Variants in STEAP2 observed in about 807,000 individuals in gnomAD.
STEAP2 encodes metalloreductase STEAP2.
STEAP2 carries 30 observed loss-of-function variants against 46.4 expected under a neutral mutation model. The ratio of observed to expected loss-of-function variants is 0.65; its 90% confidence interval spans 0.48 to 0.88. The LOEUF (loss-of-function observed/expected upper bound fraction) is 0.88. Among genes scored for constraint, STEAP2 ranks in the 40% least tolerant of loss-of-function variants. STEAP2 has a pLI of 0.00. For missense variants in STEAP2, 513 were observed against 579.3 expected (o/e 0.89, Z 1.18); for synonymous variants, 180 against 200.5 (o/e 0.90, Z 0.86).
intron 2 of STEAP2, among the ~76,000 whole-genome samples, chr7:90,224,478 T>C (rs1795394462): frequency 6.6e-6 from 1 of 152,198 alleles, no homozygotes; most frequent in Admixed American, 6.5e-5. Context: ...GCCTACGGGG[T>C]AGGCCTGCTC....
At position 90,234,579 on chromosome 7, in the gene STEAP2, C is replaced by G. The variant is rs1584253568; in HGVS notation, c.*1955C>G. 2 of 900,194 alleles carry G rather than the reference C, an allele frequency of 2.2e-6. No homozygotes were observed. The highest frequency in any genetic ancestry group is 1.3e-6 in the Non-Finnish European group (1 of 773,342). The allele number at this position is 900,194 out of a possible 1,614,324, so 55.8% of individuals were successfully genotyped here. A position where few individuals can be genotyped will look rare whatever the true frequency, so the allele number is the denominator to read the frequency against. ...TTTTTTTTTTTTTTAAAGACAGAGT[C>G]TTGCTCTGTCACCCAGGCTGGAGTG... On this transcript the variant is annotated 3_prime_UTR_variant, in exon 6 of 6. Coordinates refer to ENST00000394621, the MANE Select transcript of STEAP2 (RefSeq NM_001244944.2).
intron 1 of STEAP2, among the ~76,000 whole-genome samples, chr7:90,212,679 T>C (rs1420930887): frequency 6.6e-6 from 1 of 152,212 alleles, no homozygotes; most frequent in African/African-American, 2.4e-5. Flanking sequence ...GATTTCCATT[T>C]ATTATCTCTC....
chr7:90,226,250 G>A (rs1277352684), intron 3 of STEAP2, among the ~76,000 whole-genome samples: 1 of 152,154 alleles, frequency 6.6e-6, no homozygotes, highest in Non-Finnish European at 1.5e-5. Context: ...ATGTGGAACA[G>A]TGATTAAATT....
intron 2 of STEAP2, among the ~76,000 whole-genome samples, chr7:90,223,367 G>C (rs546274511): frequency 1.8e-4 from 28 of 152,226 alleles, no homozygotes; most frequent in African/African-American, 6.7e-4. Context: ...AGCCAAGCTG[G>C]GTCCTGACTC....
chr7:90,231,410 T>C (rs1180067917), intron 5 of STEAP2, among the ~76,000 whole-genome samples: 1 of 151,966 alleles, frequency 6.6e-6, no homozygotes, highest in African/African-American at 2.4e-5. Context: ...TGTTTATGTA[T>C]TAACAGTGAT....
chr7:90,227,275 T>C lies in STEAP2; in HGVS notation c.797T>C (p.Leu266Ser). ...NKTLPIVAITLLSLVYLAGLL... is the reference protein window; with the variant it reads ...NKTLPIVAITSLSLVYLAGLL... ...ACCTTACCTATAGTTGCCATTACTTTGCTCTCCCTAGTATACCTCGCAGGT... is the reference window on the plus strand; with the variant it reads ...ACCTTACCTATAGTTGCCATTACTTCGCTCTCCCTAGTATACCTCGCAGGT... The change falls in exon 4 of 6, where the codon TTG becomes TCG. Residue 266 changes from leucine (L) to serine (S), a missense_variant. Leu to Ser is a moderately radical substitution (Grantham distance 145, BLOSUM62 -2). Transcript: ENST00000394621. 1 of 1,613,944 alleles carries C rather than the reference T, an allele frequency of 6.2e-7. No homozygotes were observed. The highest frequency in any genetic ancestry group is 8.5e-7 in the Non-Finnish European group (1 of 1,179,860).
In STEAP2 at chr7:90,233,146, G is replaced by C; in HGVS notation, c.*522G>C. 1.0e-6 allele frequency: 1 copy of C among 984,634 alleles called. No homozygotes were observed. The highest frequency in any genetic ancestry group is 1.2e-6 in the Non-Finnish European group (1 of 829,344). The allele number at this position is 984,634 out of a possible 1,614,324, so 61.0% of individuals were successfully genotyped here. A position where few individuals can be genotyped will look rare whatever the true frequency, so the allele number is the denominator to read the frequency against. On this transcript the variant is annotated 3_prime_UTR_variant, in exon 6 of 6. Transcript: ENST00000394621. The stretch of plus-strand genomic sequence containing the variant: ...TTCCTATATTTCTCTCATAAAATAG[G>C]ATTTGAAGGATGAAATTAATTGTAT...
In STEAP2 at chr7:90,234,837, C is replaced by G; in HGVS notation, c.*2213C>G. On this transcript the variant is annotated 3_prime_UTR_variant, in exon 6 of 6. Coordinates refer to ENST00000394621, the MANE Select transcript of STEAP2 (RefSeq NM_001244944.2). The stretch of plus-strand genomic sequence containing the variant: ...AAAGTGCTGGGATTACAGGTGTGAG[C>G]TACCGCGCCCGGCCTATTATCTTGT... The G allele has an allele frequency of 2.0e-6, 2 of 983,954 alleles. No homozygotes were observed. The highest frequency in any genetic ancestry group is 2.4e-6 in the Non-Finnish European group (2 of 828,648). The allele number at this position is 983,954 out of a possible 1,614,324, so 61.0% of individuals were successfully genotyped here. A position where few individuals can be genotyped will look rare whatever the true frequency, so the allele number is the denominator to read the frequency against.
chr7:90,225,497 G>T lies in STEAP2; in HGVS notation c.415G>T (p.Asp139Tyr), dbSNP rs376578471. 1.1e-4 allele frequency: 173 copies of T among 1,613,750 alleles called. 7 individuals carry two copies. In the Middle Eastern group the frequency reaches 0.011, roughly 103 times the overall value. ...NAEYLASLFPDSLIVKGFNVV... is the reference protein window; with the variant it reads ...NAEYLASLFPYSLIVKGFNVV... ...TGAATATTTGGCTTCATTATTCCCA[G>T]ATTCTTTGATTGTCAAAGGATTTAA... The change falls in exon 3 of 6, where the codon GAT becomes TAT. Residue 139 changes from aspartate (D) to tyrosine (Y), a missense_variant. Physicochemically the swap from Asp to Tyr is radical, Grantham distance 160. Coordinates refer to ENST00000394621, the MANE Select transcript of STEAP2 (RefSeq NM_001244944.2).
At chr7:90,219,767 G>A (rs1260383325) in intron 2 of STEAP2, among the ~76,000 whole-genome samples, 1 of 152,096 alleles carries the variant, frequency 6.6e-6, no homozygotes, top group Non-Finnish European at 1.5e-5. Context: ...TTGCTCTGTT[G>A]CCCAGGAGGG....
chr7:90,225,406 T>C lies in STEAP2; in HGVS notation c.324T>C (p.Leu108=). The change falls in exon 3 of 6, where the codon CTT becomes CTC. Residue 108 remains leucine, a synonymous_variant. Coordinates refer to ENST00000394621, the MANE Select transcript of STEAP2 (RefSeq NM_001244944.2). ...YTSLWDLRHL[L]VGKILIDVSN... Reference sequence around the variant, plus strand: ...CCCTGTGGGACCTGAGACATCTGCTTGTGGGTAAAATCCTGATTGATGTGA... The same window carrying C: ...CCCTGTGGGACCTGAGACATCTGCTCGTGGGTAAAATCCTGATTGATGTGA... 1 of 1,613,844 alleles carries C rather than the reference T, an allele frequency of 6.2e-7. No individual in the cohort carries two copies.
At position 90,225,287 on chromosome 7, in the gene STEAP2, T is replaced by C; in HGVS notation, c.205T>C (p.Phe69Leu). The C allele has an allele frequency of 1.2e-6, 2 of 1,614,008 alleles. No homozygotes were observed. The highest frequency in any genetic ancestry group is 1.7e-6 in the Non-Finnish European group (2 of 1,179,958). Residue 69 changes from phenylalanine (F) to leucine (L), a missense_variant, in exon 3 of 6, where the codon TTT becomes CTT. Coordinates refer to ENST00000394621, the MANE Select transcript of STEAP2 (RefSeq NM_001244944.2). ...TAGAAATCCTAAGTTTGCTTCTGAA[T>C]TTTTTCCTCATGTGGTAGATGTCAC... ...GSRNPKFASEFFPHVVDVTHH... is the reference protein window; with the variant it reads ...GSRNPKFASELFPHVVDVTHH...
intron 2 of STEAP2, among the ~76,000 whole-genome samples, chr7:90,217,966 T>C (rs1795098073): frequency 6.6e-6 from 1 of 152,130 alleles, no homozygotes; most frequent in Non-Finnish European, 1.5e-5. Flanking sequence ...GCAGTTCTAA[T>C]TGGGATAAGT....
chr7:90,240,280 C>CAA (rs56229485), downstream of STEAP2, among the ~76,000 whole-genome samples: 1 of 146,102 alleles, frequency 6.8e-6, no homozygotes, highest in African/African-American at 2.5e-5. The surrounding 1 kb of genome is among the most constrained non-coding windows in gnomAD (Gnocchi z 4.1). Flanking sequence ...GACCCTGTCT[C>CAA]AAAAAAAAAA....
Position 90,236,001 on chromosome 7 carries a change from AT to A in STEAP2, c.*3378del, listed in dbSNP as rs1795948631. On this transcript the variant is annotated 3_prime_UTR_variant, in exon 6 of 6. Transcript: ENST00000394621. Reference sequence around the variant, plus strand: ...TAAGGAATTCTACTTTCAAAAATTAATCTGATAATAGTAACAAGGTATATTA... The same window carrying A: ...TAAGGAATTCTACTTTCAAAAATTAACTGATAATAGTAACAAGGTATATTA... 1 of 943,652 alleles carries A rather than the reference AT, an allele frequency of 1.1e-6. No homozygotes were observed. 58.5% of individuals were successfully genotyped at this position (943,652 alleles called of 1,614,324 possible). A position where few individuals can be genotyped will look rare whatever the true frequency, so the allele number is the denominator to read the frequency against.
chr7:90,221,639 A>C (rs1170057180), intron 2 of STEAP2, among the ~76,000 whole-genome samples: 1 of 152,194 alleles, frequency 6.6e-6, no homozygotes, highest in Non-Finnish European at 1.5e-5. Flanking sequence ...AAAACTTCCC[A>C]AGTCTAGTGA....
chr7:90,232,684 T>G lies in STEAP2; in HGVS notation c.*60T>G. The G allele has an allele frequency of 6.7e-7, 1 of 1,493,296 alleles. No homozygotes were observed. 92.5% of individuals were successfully genotyped at this position (1,493,296 alleles called of 1,614,324 possible). ...CTACTCATGCCATTATTTTTATGAC[T>G]TCTACGTTCAGTTACAAGTATGCTG... On this transcript the variant is annotated 3_prime_UTR_variant, in exon 6 of 6. Coordinates refer to ENST00000394621, the MANE Select transcript of STEAP2 (RefSeq NM_001244944.2).
intron 2 of STEAP2, among the ~76,000 whole-genome samples, chr7:90,217,507 T>C (rs994737685): frequency 6.6e-6 from 1 of 152,096 alleles, no homozygotes; most frequent in African/African-American, 2.4e-5. Context: ...TAAAAACATG[T>C]GATATTTGCC....
chr7:90,236,618 T>C lies in STEAP2; in HGVS notation c.*3994T>C. 1 of 1,143,924 alleles carries C rather than the reference T, an allele frequency of 8.7e-7. No individual in the cohort carries two copies. Among genetic ancestry groups the C allele is most frequent in the Non-Finnish European group, 1.1e-6 (1 of 931,852 alleles). The allele number at this position is 1,143,924 out of a possible 1,614,324, so 70.9% of individuals were successfully genotyped here. Reference sequence around the variant, plus strand: ...TACATGAATGAATGGGTTCTTCACTTTTTTTTTAGTATGAGAAAATTATAC... The same window carrying C: ...TACATGAATGAATGGGTTCTTCACTCTTTTTTTAGTATGAGAAAATTATAC... On this transcript the variant is annotated 3_prime_UTR_variant, in exon 6 of 6. Transcript: ENST00000394621.
Sources: allele counts gnomAD v4.1 joint callset (sites outside exome capture counted in the v4.1 genomes callset), GRCh38; gene constraint gnomAD v4.1.1; non-coding constraint Gnocchi (gnomAD v3.1); transcripts MANE v1.5; gene names NCBI Gene and HGNC (gene_info 2026-07-23, HGNC 2026-07-21).